The following CRB1 variants were observed in gnomAD, a reference collection of about 807,000 sequenced individuals.
The protein encoded by CRB1 is crumbs cell polarity complex component 1.
In CRB1, 83 loss-of-function variants were observed where a neutral mutation model predicts 120.0. The observed-to-expected ratio is 0.69, with a 90% CI of 0.58 to 0.83. The LOEUF is 0.83. Among genes scored for constraint, CRB1 ranks in the 40% least tolerant of loss-of-function variants. The pLI, the probability that CRB1 is intolerant of heterozygous loss-of-function variation, is 0.00. For synonymous variants in CRB1, 625 were observed against 612.5 expected (o/e 1.02, Z -0.30); for missense variants, 1,699 against 1,687.6 (o/e 1.01, Z -0.12).
intron 1 of CRB1, among the ~76,000 whole-genome samples, chr1:197,298,596 G>A (rs1362845355): frequency 6.6e-6 from 1 of 152,024 alleles, no homozygotes; most frequent in African/African-American, 2.4e-5. Context: ...TCCTGAGGAA[G>A]AATAATGACT....
chr1:197,299,539 C>T (rs1309196392), intron 1 of CRB1, among the ~76,000 whole-genome samples: 1 of 147,970 alleles, frequency 6.8e-6, no homozygotes, highest in Non-Finnish European at 1.5e-5. Context: ...TGTGTATGTG[C>T]AATCGTGTAC....
chr1:197,381,517 A>G lies in CRB1; in HGVS notation c.1171+24504A>G, dbSNP rs1661956004. ...TTCCTCCGTGAAGCATTCAGGCATC[A>G]ATTTAATCTGCATATGTGTAACTAA... On this transcript the variant is annotated intron_variant, in intron 5 of 11. Transcript: ENST00000367400. Among the ~76,000 whole-genome samples the G allele has an allele frequency of 2.6e-5, 4 of 152,218 alleles. No homozygotes were observed. The South Asian group carries it at 6.2e-4, about 24-fold the overall frequency.
intron 1 of CRB1, among the ~76,000 whole-genome samples, chr1:197,328,154 A>G (rs1658626533): frequency 6.6e-6 from 1 of 152,200 alleles, no homozygotes; most frequent in African/African-American, 2.4e-5. Flanking sequence ...TTCAATTATA[A>G]TTTAAAATAT....
At chr1:197,292,906 C>T (rs1000440617) in intron 1 of CRB1, among the ~76,000 whole-genome samples, 2 of 152,050 alleles carry the variant, frequency 1.3e-5, no homozygotes, top group African/African-American at 4.8e-5. Context: ...ATTGATGGGA[C>T]ATATCTCAAA....
chr1:197,393,279 A>G (rs988666619), intron 5 of CRB1, among the ~76,000 whole-genome samples: 1 of 152,136 alleles, frequency 6.6e-6, no homozygotes, highest in Non-Finnish European at 1.5e-5. Context: ...ACTAATATAA[A>G]CAATGACTTC....
intron 5 of CRB1, among the ~76,000 whole-genome samples, chr1:197,360,683 C>A (rs1660725644): frequency 6.6e-6 from 1 of 152,136 alleles, no homozygotes; most frequent in African/African-American, 2.4e-5. Context: ...TTTAACTCAC[C>A]TATGAGATCT....
intron 11 of CRB1, chr1:197,477,441 G>C: frequency 1.6e-6 from 1 of 635,992 alleles, no homozygotes; most frequent in South Asian, 1.6e-5. Context: ...GGTATTTCAT[G>C]CCATATTTTC....
intron 1 of CRB1, among the ~76,000 whole-genome samples, chr1:197,295,359 C>T (rs1203988934): frequency 6.6e-6 from 1 of 151,950 alleles, no homozygotes; most frequent in Non-Finnish European, 1.5e-5. Flanking sequence ...ACCCAAGAGG[C>T]AGGCAAGAGC....
In CRB1 at chr1:197,477,698, C is replaced by A. The variant is rs1314880239; in HGVS notation, c.4040C>A (p.Thr1347Asn). 1 of 1,613,874 alleles carries A rather than the reference C, an allele frequency of 6.2e-7. No individual in the cohort carries two copies. The highest frequency in any genetic ancestry group is 1.1e-5 in the South Asian group (1 of 91,080). ...GACTTGATCTCCGACATTTTCACCA[C>A]TATTGGCTCAGTGACTGTCGCCTTG... The part of the protein sequence containing the change: ...ADDLISDIFT[T>N]IGSVTVALLL... The change falls in exon 12 of 12, where the codon ACT (threonine) becomes AAT (asparagine). Residue 1347 changes from threonine to asparagine, a missense_variant. By Grantham distance (65) the Thr-to-Asn change is moderately conservative. Coordinates refer to ENST00000367400, the MANE Select transcript of CRB1 (RefSeq NM_201253.3).
At chr1:197,260,407 G>A in the CRB1 span, among the ~76,000 whole-genome samples, 1 of 151,600 alleles carries the variant, frequency 6.6e-6, no homozygotes. Flanking sequence ...ATTCCATGTG[G>A]GTTAAAGTCA....
At chr1:197,468,421 T>C (rs1666840963) in intron 11 of CRB1, among the ~76,000 whole-genome samples, 1 of 151,760 alleles carries the variant, frequency 6.6e-6, no homozygotes, top group Non-Finnish European at 1.5e-5. Context: ...CGGTAATAAT[T>C]TGTTGAGTAA....
intron 2 of CRB1, among the ~76,000 whole-genome samples, chr1:197,333,403 T>A (rs551689611): frequency 6.6e-6 from 1 of 152,354 alleles, no homozygotes; most frequent in African/African-American, 2.4e-5. Flanking sequence ...TGTGACTGCT[T>A]TTAGTTCAAT....
chr1:197,349,104 C>T (rs1659944482), intron 4 of CRB1, among the ~76,000 whole-genome samples: 1 of 152,226 alleles, frequency 6.6e-6, no homozygotes, highest in Middle Eastern at 3.4e-3. Context: ...ATCTTTTATA[C>T]TGTGTTTTTA....
chr1:197,455,274 C>G lies in CRB1; in HGVS notation c.4005+12982C>G, dbSNP rs189873755. On this transcript the variant is annotated intron_variant, in intron 11 of 11. Coordinates refer to ENST00000367400, the MANE Select transcript of CRB1 (RefSeq NM_201253.3). ...GAAATCAAGTCTACATGTTCCAAACCAATTAACTGACAAAAATAACTCAAA... is the reference window on the plus strand; with the variant it reads ...GAAATCAAGTCTACATGTTCCAAACGAATTAACTGACAAAAATAACTCAAA... Among the ~76,000 whole-genome samples the G allele has an allele frequency of 2.6e-3, 388 of 152,130 alleles. 8 individuals are homozygous for G. Among genetic ancestry groups the G allele is most frequent in the Non-Finnish European group, 1.4e-3 (94 of 67,974 alleles).
At chr1:197,371,682 A>G (rs181386877) in intron 5 of CRB1, among the ~76,000 whole-genome samples, 17 of 152,286 alleles carry the variant, frequency 1.1e-4, no homozygotes, top group African/African-American at 4.1e-4. Flanking sequence ...TCAGGTTTAC[A>G]TGAATTACCC....
At chr1:197,397,542 C>T (rs568324992) in intron 5 of CRB1, among the ~76,000 whole-genome samples, 7 of 152,224 alleles carry the variant, frequency 4.6e-5, no homozygotes, top group Non-Finnish European at 7.4e-5. Flanking sequence ...CTCATAATTT[C>T]GAAAACCTGA....
At chr1:197,297,369 A>G (rs1259199066) in intron 1 of CRB1, among the ~76,000 whole-genome samples, 1 of 151,944 alleles carries the variant, frequency 6.6e-6, no homozygotes, top group Admixed American at 6.6e-5. Flanking sequence ...TTTTTGGTTA[A>G]TTGAATGTGT....
intron 9 of CRB1, among the ~76,000 whole-genome samples, chr1:197,436,304 G>T (rs1419147649): frequency 1.3e-5 from 2 of 151,976 alleles, no homozygotes; most frequent in Non-Finnish European, 2.9e-5. Flanking sequence ...TTCATTAGTG[G>T]AAATTGATCA....
chr1:197,467,140 G>A (rs187566458), intron 11 of CRB1, among the ~76,000 whole-genome samples: 4 of 152,254 alleles, frequency 2.6e-5, no homozygotes, highest in African/African-American at 7.2e-5. Flanking sequence ...ATGGGGGTTG[G>A]AGGAACTATT....
Sources: allele counts gnomAD v4.1 joint callset (sites outside exome capture counted in the v4.1 genomes callset), GRCh38; gene constraint gnomAD v4.1.1; transcripts MANE v1.5; gene names NCBI Gene and HGNC (gene_info 2026-07-23, HGNC 2026-07-21).